The following EML6 variants were observed in gnomAD, a reference collection of about 807,000 sequenced individuals.
EML6 encodes the protein EMAP like 6.
Under a neutral mutation model 240.1 loss-of-function variants are expected in EML6, and 154 were observed. The observed-to-expected ratio is 0.64, with a 90% CI of 0.56 to 0.73. EML6 has a LOEUF of 0.73. EML6 is among the 30% of genes least tolerant of loss of function. The probability of loss-of-function intolerance (pLI) is 0.00; values close to 1 mark genes in which losing one functional copy is unlikely to be tolerated. For synonymous variants in EML6, 1,148 were observed against 899.0 expected (o/e 1.28, Z -4.95); for missense variants, 2,964 against 2,474.6 (o/e 1.20, Z -4.20).
intron 21 of EML6, among the ~76,000 whole-genome samples, chr2:54,896,477 C>A (rs942736753): frequency 6.6e-6 from 1 of 152,138 alleles, no homozygotes; most frequent in African/African-American, 2.4e-5. Context: ...ATGATAAAAT[C>A]TCACCTCAAG....
At position 54,819,637 on chromosome 2, in the gene EML6, G is replaced by A. The variant is rs905552997; in HGVS notation, c.457-757G>A. Among the ~76,000 whole-genome samples, 21 of 152,148 alleles carry A rather than the reference G, an allele frequency of 1.4e-4. No individual in the cohort carries two copies. In the South Asian group the frequency reaches 1.5e-3, roughly 11 times the overall value. On this transcript the variant is annotated intron_variant, in intron 4 of 41. Coordinates refer to ENST00000356458, the MANE Select transcript of EML6 (RefSeq NM_001039753.4). ...CTAAAAATAGAAAAATTAACTGGGC[G>A]TGGTGGCACGCGCCTGTAGTCCCAG...
intron 28 of EML6, among the ~76,000 whole-genome samples, chr2:54,939,859 A>G (rs949670917): frequency 6.6e-6 from 1 of 152,212 alleles, no homozygotes; most frequent in African/African-American, 2.4e-5. Flanking sequence ...CACTTCACAA[A>G]CTGCCTTCCA....
intron 9 of EML6, among the ~76,000 whole-genome samples, chr2:54,849,028 A>G (rs534025870): frequency 2.6e-5 from 4 of 152,338 alleles, no homozygotes; most frequent in African/African-American, 9.6e-5. Context: ...CCCTTTCTCC[A>G]TGGCGTATTT....
intron 26 of EML6, among the ~76,000 whole-genome samples, chr2:54,917,972 A>G (rs998652330): frequency 2.6e-5 from 4 of 152,314 alleles, no homozygotes; most frequent in Middle Eastern, 3.4e-3. Context: ...TGAGTTTTAC[A>G]CTTGTGTTAA....
chr2:54,788,940 G>A (rs925423291), intron 2 of EML6, among the ~76,000 whole-genome samples: 9 of 152,132 alleles, frequency 5.9e-5, no homozygotes, highest in Admixed American at 4.6e-4. Flanking sequence ...AGTAACATTG[G>A]CTTTCTATTC....
chr2:54,907,940 ATAGATAAGAT>A (rs1558674017), intron 24 of EML6, among the ~76,000 whole-genome samples: 1 of 22,250 alleles, frequency 4.5e-5, no homozygotes, highest in Admixed American at 5.5e-4. Flanking sequence ...AGATAGATAG[ATAGATAAGAT>A]AGATAGATAG....
chr2:54,953,791 G>A (rs1676098514), intron 31 of EML6, among the ~76,000 whole-genome samples, 192 bp from the exon 32 acceptor site: 2 of 151,852 alleles, frequency 1.3e-5, no homozygotes, highest in Admixed American at 6.6e-5. Flanking sequence ...GGAGGCTGAG[G>A]CACGAGGATC....
At chr2:54,882,873 A>AAAAAAAAAAAAAAAGAG (rs796515025) in intron 17 of EML6, 2 of 112,352 alleles carry the variant, frequency 1.8e-5, no homozygotes, top group African/African-American at 7.0e-5. Flanking sequence ...AAAAAAAAAA[A>AAAAAAAAAAAAAAAGAG]AGAAAGCTTA....
chr2:54,920,670 C>CA (rs1286968567), intron 26 of EML6, among the ~76,000 whole-genome samples: 1 of 152,042 alleles, frequency 6.6e-6, no homozygotes, highest in African/African-American at 2.4e-5. Flanking sequence ...CTTAGAAGGC[C>CA]AGTAGAACCT....
chr2:54,918,147 A>C (rs1490630653), intron 26 of EML6, among the ~76,000 whole-genome samples: 1 of 152,132 alleles, frequency 6.6e-6, no homozygotes, highest in East Asian at 1.9e-4. Flanking sequence ...AGTTTTATTT[A>C]TTTCTTCTCA....
chr2:54,903,017 A>G (rs748781968), intron 22 of EML6, 27 bp from the exon 23 acceptor site: 156 of 1,544,438 alleles, frequency 1.0e-4, no homozygotes, highest in Non-Finnish European at 1.3e-4. Flanking sequence ...TTTGGATAAT[A>G]AGTGTTTTTT....
chr2:54,763,242 G>A (rs1365001033), intron 2 of EML6, among the ~76,000 whole-genome samples: 2 of 152,176 alleles, frequency 1.3e-5, no homozygotes, highest in African/African-American at 4.8e-5. Context: ...TCTTTACACT[G>A]AGCATGAATA....
At chr2:54,736,541 C>T (rs1683400761) in intron 2 of EML6, among the ~76,000 whole-genome samples, 1 of 152,164 alleles carries the variant, frequency 6.6e-6, no homozygotes, top group Non-Finnish European at 1.5e-5. Context: ...CCATTTACTG[C>T]CCCCGTTTTC....
intron 12 of EML6, among the ~76,000 whole-genome samples, chr2:54,861,893 A>T (rs1670693066): frequency 6.6e-6 from 1 of 152,148 alleles, no homozygotes; most frequent in Non-Finnish European, 1.5e-5. Flanking sequence ...AAGTAGAGAT[A>T]TGTGATTTAC....
At chr2:54,919,247 C>T (rs5003888) in intron 26 of EML6, among the ~76,000 whole-genome samples, 1 of 143,228 alleles carries the variant, frequency 7.0e-6, no homozygotes, top group Non-Finnish European at 1.5e-5. Flanking sequence ...TTGCTTCCCC[C>T]CCCCCCCAAT....
rs188196783 is a variant in EML6 at position 54,761,043 on chromosome 2, G to A, written c.197+35785G>A. Among the ~76,000 whole-genome samples, 171 of 152,166 alleles carry A rather than the reference G, an allele frequency of 1.1e-3. 1 individual carries two copies. Among genetic ancestry groups the A allele is most frequent in the African/African-American group, 3.9e-3 (161 of 41,530 alleles). On this transcript the variant is annotated intron_variant, in intron 2 of 41. Transcript: ENST00000356458. ...TAGTGAAGTTAATCCCAAGGCATTT[G>A]AGAAACTAGATTTCAGCTTCTCTGC...
chr2:54,910,816 T>C (rs67721747), intron 24 of EML6, 138 bp from the exon 25 acceptor site: 50,804 of 553,152 alleles, frequency 0.092, 2,851 homozygotes, highest in South Asian at 0.15. Flanking sequence ...CATGCCCTTC[T>C]GAATAATTCA....
intron 26 of EML6, among the ~76,000 whole-genome samples, chr2:54,926,173 C>G (rs1229987344): frequency 6.6e-6 from 1 of 152,176 alleles, no homozygotes; most frequent in East Asian, 1.9e-4. Flanking sequence ...GTGATCTTGG[C>G]TGACAGCAAC....
At chr2:54,744,133 G>A (rs986298183) in intron 2 of EML6, among the ~76,000 whole-genome samples, 1 of 151,182 alleles carries the variant, frequency 6.6e-6, no homozygotes, top group African/African-American at 2.4e-5. Flanking sequence ...AGAGTTGTGG[G>A]GGGTGGGGGG....
Sources: allele counts gnomAD v4.1 joint callset (sites outside exome capture counted in the v4.1 genomes callset), GRCh38; gene constraint gnomAD v4.1.1; transcripts MANE v1.5; gene names NCBI Gene and HGNC (gene_info 2026-07-23, HGNC 2026-07-21).